The following SNX8 variants were observed in gnomAD, a reference collection of about 807,000 sequenced individuals.
The protein encoded by SNX8 is sorting nexin 8.
A neutral mutation model predicts 51.6 loss-of-function variants in SNX8; 25 were observed. That is an observed-to-expected ratio of 0.48 (90% CI 0.35 to 0.68). The LOEUF is 0.68. Among genes scored for constraint, SNX8 ranks in the 30% least tolerant of loss-of-function variants. The pLI is 0.00. For missense variants in SNX8, 695 were observed against 624.0 expected (o/e 1.11, Z -1.21); for synonymous variants, 324 against 277.0 (o/e 1.17, Z -1.68).
chr7:2,316,659 A>G (rs1466140068), upstream of SNX8, among the ~76,000 whole-genome samples: 1 of 150,800 alleles, frequency 6.6e-6, no homozygotes, highest in Non-Finnish European at 1.5e-5. Flanking sequence ...TCCTGCATTC[A>G]TTCATTCACC....
At chr7:2,309,655 C>T (rs529130214) in intron 1 of SNX8, 5 of 389,930 alleles carry the variant, frequency 1.3e-5, no homozygotes, top group African/African-American at 2.1e-5. Context: ...TGCTTGAACC[C>T]GGGAGGAGGA....
At position 2,264,578 on chromosome 7, in the gene SNX8, C is replaced by T. The variant is rs1426083580; in HGVS notation, c.622-120G>A. 5.7e-5 allele frequency: 50 copies of T among 876,302 alleles called. 2 individuals carry two copies. In the South Asian group the frequency reaches 6.3e-4, roughly 11 times the overall value. 54.3% of individuals were successfully genotyped at this position (876,302 alleles called of 1,614,324 possible). A position where few individuals can be genotyped will look rare whatever the true frequency, so the allele number is the denominator to read the frequency against. ...GACACAGCAGGTCCATGAGCCACCC[C>T]GGGAGCCCCACTCCTCCAGGCCTGC... On this transcript the variant is annotated intron_variant, in intron 5 of 10. Transcript: ENST00000222990.
intron 5 of SNX8, 93 bp from the exon 6 acceptor site, chr7:2,264,551 G>T (rs1795420322): frequency 1.4e-5 from 18 of 1,329,576 alleles, no homozygotes; most frequent in Non-Finnish European, 1.8e-5. Context: ...TGAGCCACGG[G>T]AGACACAGCA....
At chr7:2,279,198 C>G (rs1795853707) in intron 1 of SNX8, among the ~76,000 whole-genome samples, 1 of 78,216 alleles carries the variant, frequency 1.3e-5, no homozygotes, top group African/African-American at 5.0e-5. Context: ...CTCACTCACA[C>G]TACGGAGTCG....
chr7:2,318,110 A>G (rs1378289002), upstream of SNX8, among the ~76,000 whole-genome samples: 3 of 151,990 alleles, frequency 2.0e-5, no homozygotes, highest in African/African-American at 4.8e-5. Flanking sequence ...TAGCTGCCCA[A>G]TCATAGCTCA....
intron 1 of SNX8, among the ~76,000 whole-genome samples, chr7:2,310,778 T>C (rs1584731063): frequency 6.6e-6 from 1 of 151,766 alleles, no homozygotes; most frequent in East Asian, 1.9e-4. Flanking sequence ...CTCAAAAAAA[T>C]AAATAAATAA....
intron 1 of SNX8, among the ~76,000 whole-genome samples, chr7:2,353,257 G>A (rs1053137970): frequency 6.6e-6 from 1 of 151,844 alleles, no homozygotes; most frequent in Non-Finnish European, 1.5e-5. Context: ...GGTGGTTCAC[G>A]CTTGTAATCC....
chr7:2,310,404 G>A (rs1423314053), intron 1 of SNX8, among the ~76,000 whole-genome samples: 1 of 152,150 alleles, frequency 6.6e-6, no homozygotes, highest in African/African-American at 2.4e-5. Context: ...TGGGAGGATT[G>A]CTTGAGGCCA....
chr7:2,339,382 T>C (rs935182065), intron 1 of SNX8, among the ~76,000 whole-genome samples: 3 of 151,990 alleles, frequency 2.0e-5, no homozygotes, highest in Non-Finnish European at 2.9e-5. Context: ...ATTTTTTTTT[T>C]TTAATTTTAG....
At chr7:2,280,126 C>T (rs938460592) in intron 1 of SNX8, among the ~76,000 whole-genome samples, 2 of 152,132 alleles carry the variant, frequency 1.3e-5, no homozygotes, top group African/African-American at 2.4e-5. Context: ...ACCACATGCA[C>T]GGAAGAATTA....
intron 1 of SNX8, among the ~76,000 whole-genome samples, chr7:2,347,388 G>A (rs1779051482): frequency 6.6e-6 from 1 of 150,756 alleles, no homozygotes; most frequent in African/African-American, 2.4e-5. Context: ...GGCTGAGACA[G>A]GAGAATCGCT....
chr7:2,262,838 C>A (rs1562423218), intron 7 of SNX8, among the ~76,000 whole-genome samples: 1 of 152,244 alleles, frequency 6.6e-6, no homozygotes, highest in Non-Finnish European at 1.5e-5. Context: ...GGGAAGCCGG[C>A]CGGGCACAGT....
intron 4 of SNX8, among the ~76,000 whole-genome samples, chr7:2,270,164 G>C (rs1795609355): frequency 6.6e-6 from 1 of 152,008 alleles, no homozygotes; most frequent in Non-Finnish European, 1.5e-5. Flanking sequence ...CCTCTCATCT[G>C]AAAGAGGCCT....
chr7:2,281,387 C>G (rs1372599639), intron 1 of SNX8, among the ~76,000 whole-genome samples: 1 of 151,642 alleles, frequency 6.6e-6, no homozygotes, highest in East Asian at 1.9e-4. Context: ...CCACTGCACT[C>G]CAGCCTGGGT....
chr7:2,308,996 C>T (rs991779578), intron 1 of SNX8, among the ~76,000 whole-genome samples: 2 of 152,016 alleles, frequency 1.3e-5, no homozygotes, highest in African/African-American at 4.8e-5. Context: ...ACCATGTTGG[C>T]CAGGCTGGTC....
rs569483870 is a variant in SNX8 at position 2,254,676 on chromosome 7, G to A, written c.*380C>T. The A allele has an allele frequency of 2.3e-5, 6 of 264,968 alleles. No homozygotes were observed. Among genetic ancestry groups the A allele is most frequent in the East Asian group, 1.1e-4 (1 of 8,752 alleles). The allele number at this position is 264,968 out of a possible 1,614,324, so 16.4% of individuals were successfully genotyped here. On this transcript the variant is annotated 3_prime_UTR_variant, in exon 11 of 11. Coordinates refer to ENST00000222990, the MANE Select transcript of SNX8 (RefSeq NM_013321.4). ...CCCTGCCCTCTCTCCTCGGCTGACCGAGCACCATGATGCTGCCCCTCCCGA... is the reference window on the plus strand; with the variant it reads ...CCCTGCCCTCTCTCCTCGGCTGACCAAGCACCATGATGCTGCCCCTCCCGA...
At chr7:2,338,354 C>T (rs773690889) in intron 1 of SNX8, among the ~76,000 whole-genome samples, 2 of 151,564 alleles carry the variant, frequency 1.3e-5, no homozygotes, top group Non-Finnish European at 2.9e-5. Context: ...CCCAGCTACT[C>T]GGGAGGCTGA....
chr7:2,327,699 A>G lies in SNX8; in HGVS notation c.-66+26523T>C, dbSNP rs572028412. Among the ~76,000 whole-genome samples, 331 of 129,248 alleles carry G rather than the reference A, an allele frequency of 2.6e-3. 6 individuals are homozygous for G. The South Asian group carries it at 0.029, about 11-fold the overall frequency. 84.8% of individuals were successfully genotyped at this position (129,248 alleles called of 152,430 possible). ...TGGGATTACAGGCGTGAGCCATCGC[A>G]CCCGGCCTAATTTTTTGTATTTTAA... is the stretch of plus-strand genomic sequence containing the variant. On this transcript the variant is annotated intron_variant, in intron 1 of 5. Coordinates refer to the SNX8 transcript ENST00000435336.
At chr7:2,335,511 G>A (rs904251028) in intron 1 of SNX8, among the ~76,000 whole-genome samples, 5 of 151,402 alleles carry the variant, frequency 3.3e-5, no homozygotes, top group South Asian at 2.1e-4. Flanking sequence ...ACAATATGCT[G>A]AGTGAAAGTA....
Sources: allele counts gnomAD v4.1 joint callset (sites outside exome capture counted in the v4.1 genomes callset), GRCh38; gene constraint gnomAD v4.1.1; transcripts MANE v1.5; gene names NCBI Gene and HGNC (gene_info 2026-07-23, HGNC 2026-07-21).